The following PPP1R1C variants were observed in gnomAD, a reference collection of about 807,000 sequenced individuals.
The protein encoded by PPP1R1C is protein phosphatase 1 regulatory subunit 1C.
PPP1R1C carries 15 observed loss-of-function variants against 17.4 expected under a neutral mutation model. The observed-to-expected ratio is 0.86, with a 90% confidence interval of 0.58 to 1.33. The LOEUF is 1.33. PPP1R1C is among the 40% of genes most tolerant of loss of function. The pLI, the probability that PPP1R1C is intolerant of heterozygous loss-of-function variation, is 0.00. For synonymous variants in PPP1R1C, 35 were observed against 43.1 expected (o/e 0.81, Z 0.73); for missense variants, 143 against 130.0 (o/e 1.10, Z -0.48).
intron 1 of PPP1R1C, among the ~76,000 whole-genome samples, chr2:181,965,629 G>A (rs1160394929): frequency 6.6e-6 from 1 of 152,052 alleles, no homozygotes; most frequent in African/African-American, 2.4e-5. Context: ...TTTGTTTCCG[G>A]GTTCTCAGTT....
At chr2:182,096,775 G>GT (rs1688953109) in intron 4 of PPP1R1C, among the ~76,000 whole-genome samples, 3 of 152,040 alleles carry the variant, frequency 2.0e-5, no homozygotes, top group African/African-American at 7.2e-5. Flanking sequence ...TCCTAATTTT[G>GT]CCACCCACAC....
chr2:182,115,637 G>A (rs1689558852), intron 4 of PPP1R1C, among the ~76,000 whole-genome samples: 1 of 152,096 alleles, frequency 6.6e-6, no homozygotes, highest in Non-Finnish European at 1.5e-5. Flanking sequence ...TGAATTCCAT[G>A]TCTTAGCAAC....
chr2:181,956,468 CA>C (rs1684671834), intron 1 of PPP1R1C, among the ~76,000 whole-genome samples: 1 of 152,200 alleles, frequency 6.6e-6, no homozygotes, highest in East Asian at 1.9e-4. Flanking sequence ...GAGGAATCGC[CA>C]CACTGTCTGC....
chr2:182,052,588 C>T (rs1316115834), intron 2 of PPP1R1C, among the ~76,000 whole-genome samples: 2 of 152,156 alleles, frequency 1.3e-5, no homozygotes, highest in Admixed American at 6.5e-5. Context: ...CCTACATTCT[C>T]CTCTGACACT....
chr2:182,085,369 C>G (rs1233941709), intron 4 of PPP1R1C, among the ~76,000 whole-genome samples: 2 of 152,164 alleles, frequency 1.3e-5, no homozygotes, highest in African/African-American at 2.4e-5. Flanking sequence ...CACATAAACA[C>G]ACACACTAGT....
intron 1 of PPP1R1C, among the ~76,000 whole-genome samples, chr2:181,955,309 G>C (rs984438294): frequency 6.6e-6 from 1 of 152,116 alleles, no homozygotes; most frequent in African/African-American, 2.4e-5. Flanking sequence ...TCTTTACCAT[G>C]CTTTCAAATT....
At chr2:182,069,595 A>G (rs1688084464) in intron 4 of PPP1R1C, among the ~76,000 whole-genome samples, 1 of 152,170 alleles carries the variant, frequency 6.6e-6, no homozygotes, top group Non-Finnish European at 1.5e-5. Flanking sequence ...AATCAAATTG[A>G]ATTGCAAATT....
intron 5 of PPP1R1C, among the ~76,000 whole-genome samples, chr2:182,127,864 G>T (rs1689913260): frequency 1.3e-5 from 2 of 151,848 alleles, no homozygotes; most frequent in Admixed American, 1.3e-4. Flanking sequence ...CTTCCTTAAG[G>T]CATTTAAATG....
intron 2 of PPP1R1C, among the ~76,000 whole-genome samples, chr2:181,999,659 A>C (rs1559050969): frequency 6.6e-6 from 1 of 152,086 alleles, no homozygotes; most frequent in Non-Finnish European, 1.5e-5. Context: ...CTTTATTCCA[A>C]AATGAGTTGG....
chr2:182,102,474 G>A (rs916248159), intron 4 of PPP1R1C, among the ~76,000 whole-genome samples: 2 of 152,064 alleles, frequency 1.3e-5, no homozygotes, highest in African/African-American at 2.4e-5. Context: ...TTTTCTCAGA[G>A]TAGTTTCTAT....
chr2:182,076,244 G>A (rs1370309871), intron 4 of PPP1R1C, among the ~76,000 whole-genome samples: 4 of 37,490 alleles, frequency 1.1e-4, no homozygotes, highest in Admixed American at 3.9e-4. Flanking sequence ...TTTTTGAGAC[G>A]GAGTCTCGCT....
At chr2:182,106,432 G>A (rs1312763872) in intron 4 of PPP1R1C, among the ~76,000 whole-genome samples, 1 of 152,234 alleles carries the variant, frequency 6.6e-6, no homozygotes, top group African/African-American at 2.4e-5. Context: ...CATCGATGAT[G>A]TGGACACCAA....
At chr2:182,010,577 A>G (rs1282867938) in intron 2 of PPP1R1C, among the ~76,000 whole-genome samples, 1 of 152,076 alleles carries the variant, frequency 6.6e-6, no homozygotes, top group Non-Finnish European at 1.5e-5. Flanking sequence ...AACAAGGATA[A>G]TTTAGCTGCT....
chr2:182,093,673 C>G (rs1688851173), intron 4 of PPP1R1C, among the ~76,000 whole-genome samples: 1 of 152,196 alleles, frequency 6.6e-6, no homozygotes, highest in South Asian at 2.1e-4. Flanking sequence ...TCAACTCTCT[C>G]AAGGTCAAAG....
At chr2:182,085,916 A>G (rs1574439998) in intron 4 of PPP1R1C, among the ~76,000 whole-genome samples, 2 of 152,318 alleles carry the variant, frequency 1.3e-5, no homozygotes, top group Non-Finnish European at 2.9e-5. Flanking sequence ...TGATAAATCC[A>G]TAAGAAAACC....
At chr2:182,062,906 A>G (rs1328690168) in intron 3 of PPP1R1C, among the ~76,000 whole-genome samples, 1 of 152,102 alleles carries the variant, frequency 6.6e-6, no homozygotes, top group Non-Finnish European at 1.5e-5. Context: ...AAACTCATTG[A>G]TTAAGACCCG....
Position 182,117,383 on chromosome 2 carries a change from C to A in PPP1R1C, c.*88C>A. 1 of 913,082 alleles carries A rather than the reference C, an allele frequency of 1.1e-6. No individual in the cohort carries two copies. Among genetic ancestry groups the A allele is most frequent in the Non-Finnish European group, 1.7e-6 (1 of 587,988 alleles). The allele number at this position is 913,082 out of a possible 1,614,324, so 56.6% of individuals were successfully genotyped here. On this transcript the variant is annotated 3_prime_UTR_variant, in exon 5 of 5. Coordinates refer to ENST00000682840, the MANE Select transcript of PPP1R1C (RefSeq NM_001080545.3). ...CCATGGAATTCCACTGCTTGACTTC[C>A]AGAAGCATCCTCCATCTCTGCACCC...
At chr2:182,054,155 G>T (rs1384412532) in intron 2 of PPP1R1C, among the ~76,000 whole-genome samples, 1 of 151,880 alleles carries the variant, frequency 6.6e-6, no homozygotes, top group Non-Finnish European at 1.5e-5. Context: ...TTGAATTTTT[G>T]TTGTCATAAT....
chr2:182,092,803 G>C (rs1417952622), intron 4 of PPP1R1C, among the ~76,000 whole-genome samples: 2 of 152,176 alleles, frequency 1.3e-5, no homozygotes, highest in African/African-American at 4.8e-5. Flanking sequence ...CAAGAGGTAG[G>C]TCCCCATAGT....
Sources: gnomAD v4.1 joint callset for allele counts (sites outside exome capture counted in the v4.1 genomes callset) on GRCh38, gnomAD v4.1.1 for gene constraint, MANE v1.5 for transcripts, NCBI Gene and HGNC (gene_info 2026-07-23, HGNC 2026-07-21) for gene names.